The following DGLUCY variants were observed in gnomAD, a reference collection of about 807,000 sequenced individuals.
The protein encoded by DGLUCY is D-glutamate cyclase, also known as D-glutamate cyclase, mitochondrial.
Under a neutral mutation model 58.5 loss-of-function variants are expected in DGLUCY, and 58 were observed. That is an observed-to-expected ratio of 0.99 (90% CI 0.80 to 1.23). DGLUCY has a LOEUF of 1.23. DGLUCY is among the 50% of genes most tolerant of loss of function. The probability of loss-of-function intolerance (pLI) is 0.00; values close to 1 mark genes in which losing one functional copy is unlikely to be tolerated. For synonymous variants in DGLUCY, 325 were observed against 314.1 expected, an observed-to-expected ratio of 1.03 and a Z score of -0.37; for missense variants, 779 against 784.7, an observed-to-expected ratio of 0.99 and a Z score of 0.09.
At chr14:91,067,114 A>G (rs1310290423) in intron 1 of DGLUCY, among the ~76,000 whole-genome samples, 1 of 150,920 alleles carries the variant, frequency 6.6e-6, no homozygotes, top group African/African-American at 2.4e-5. Context: ...GAGTTATTTC[A>G]TGTTGAGTAG....
rs193222919 is a variant in DGLUCY, at chr14:91,155,788, C to A, written c.-81-1851C>A. 2.4e-3 allele frequency among the ~76,000 whole-genome samples: 357 copies of A among 149,600 alleles called. 1 individual carries two copies. The highest frequency in any genetic ancestry group is 8.1e-3 in the African/African-American group (330 of 40,790). ...CTCTAGCCTGGGCAAGAGAGCAAGACCCTGTTTCCAAAAAAAAAAAAAAAA... is the reference window on the plus strand; with the variant it reads ...CTCTAGCCTGGGCAAGAGAGCAAGAACCTGTTTCCAAAAAAAAAAAAAAAA... On this transcript the variant is annotated intron_variant, in intron 1 of 13. Transcript: ENST00000256324.
intron 1 of DGLUCY, among the ~76,000 whole-genome samples, chr14:91,146,661 A>G (rs1373596124): frequency 1.3e-5 from 2 of 152,194 alleles, no homozygotes; most frequent in Non-Finnish European, 2.9e-5. Flanking sequence ...TGATGCGGCT[A>G]GTAAGCCTCT....
intron 1 of DGLUCY, among the ~76,000 whole-genome samples, chr14:91,157,245 G>GGGTGGATA: frequency 8.5e-6 from 1 of 117,670 alleles, no homozygotes; most frequent in African/African-American, 3.4e-5. Context: ...ATGGATGGAT[G>GGGTGGATA]GATGGATGGA....
At chr14:91,203,443 T>C (rs1567005519) in intron 11 of DGLUCY, among the ~76,000 whole-genome samples, 1 of 152,246 alleles carries the variant, frequency 6.6e-6, no homozygotes, top group East Asian at 1.9e-4. Flanking sequence ...AAAACAATGA[T>C]GTACCTGTTC....
chr14:91,181,488 A>T, intron 8 of DGLUCY, 99 bp downstream of exon 8: 3 of 1,209,174 alleles, frequency 2.5e-6, no homozygotes, highest in South Asian at 1.4e-5. Flanking sequence ...TGGGATGCAA[A>T]ATGTATCCAC....
rs189249823 is a variant in DGLUCY, at chr14:91,154,044, T to G, written c.-81-3595T>G. ...CCTCAGCCTCCCAAGTAGCTGGAAT[T>G]ACGGGTGTGCACCACTATGCCCAGC... On this transcript the variant is annotated intron_variant, in intron 1 of 13. Transcript: ENST00000256324. 9.2e-4 allele frequency among the ~76,000 whole-genome samples: 140 copies of G among 152,256 alleles called. 1 individual carries two copies. Among genetic ancestry groups the G allele is most frequent in the Admixed American group, 2.5e-3 (38 of 15,284 alleles).
At chr14:91,171,024 G>A (rs977051138) in intron 5 of DGLUCY, among the ~76,000 whole-genome samples, 3 of 152,124 alleles carry the variant, frequency 2.0e-5, no homozygotes, top group African/African-American at 7.2e-5. Flanking sequence ...GTGCCCGAGC[G>A]GTTCTCTTGA....
intron 1 of DGLUCY, among the ~76,000 whole-genome samples, chr14:91,126,219 C>T (rs527588790): frequency 3.9e-5 from 6 of 152,130 alleles, no homozygotes; most frequent in Non-Finnish European, 5.9e-5. Context: ...AGGAGTTCTA[C>T]GTCAATGTAT....
chr14:91,122,010 AAG>A (rs1384552299), intron 1 of DGLUCY, among the ~76,000 whole-genome samples: 1 of 152,212 alleles, frequency 6.6e-6, no homozygotes, highest in African/African-American at 2.4e-5. Flanking sequence ...CAGAAGAGCT[AAG>A]AAGTGATAGC....
At chr14:91,219,303 G>A (rs1447459247) in intron 13 of DGLUCY, among the ~76,000 whole-genome samples, 5 of 152,236 alleles carry the variant, frequency 3.3e-5, no homozygotes, top group African/African-American at 1.2e-4. Flanking sequence ...CTGTCTTGAG[G>A]AGTGAGTAGG....
intron 7 of DGLUCY, 37 bp from the exon 8 acceptor site, chr14:91,181,149 A>G (rs779173996): frequency 4.4e-6 from 7 of 1,595,390 alleles, no homozygotes; most frequent in South Asian, 1.1e-5. Context: ...GACTTGATGA[A>G]GTGGCTGGGC....
At chr14:91,196,326 A>G (rs1220076892) in intron 9 of DGLUCY, 49 bp from the exon 10 acceptor site, 2 of 1,539,952 alleles carry the variant, frequency 1.3e-6, no homozygotes, top group South Asian at 2.3e-5. Context: ...TGAATTTCCA[A>G]AAGCCAACAC....
At chr14:91,174,046 C>T (rs2048726420) in intron 6 of DGLUCY, among the ~76,000 whole-genome samples, 1 of 151,982 alleles carries the variant, frequency 6.6e-6, no homozygotes, top group African/African-American at 2.4e-5. Context: ...CCCGCAACCT[C>T]CAGGGAGGAA....
intron 4 of DGLUCY, 54 bp downstream of exon 4, chr14:91,167,432 G>T (rs1292160571): frequency 6.2e-7 from 1 of 1,607,642 alleles, no homozygotes; most frequent in African/African-American, 1.3e-5. Flanking sequence ...AGGTGCTGTA[G>T]CCAGGTGTCT....
chr14:91,158,665 A>C (rs1464462321), intron 2 of DGLUCY, among the ~76,000 whole-genome samples: 1 of 152,086 alleles, frequency 6.6e-6, no homozygotes, highest in Non-Finnish European at 1.5e-5. Flanking sequence ...GCTCTCATTC[A>C]TTCTGCAGTC....
intron 1 of DGLUCY, among the ~76,000 whole-genome samples, chr14:91,088,952 G>A (rs139940736): frequency 2.6e-5 from 4 of 152,304 alleles, no homozygotes; most frequent in African/African-American, 7.2e-5. Context: ...AACTAAAGGG[G>A]AATAGACTTC....
chr14:91,087,610 T>A (rs1290630178), intron 1 of DGLUCY, among the ~76,000 whole-genome samples: 1 of 152,244 alleles, frequency 6.6e-6, no homozygotes, highest in Non-Finnish European at 1.5e-5. Context: ...TTCTCAACAT[T>A]GCACAAGTTA....
Position 91,204,698 on chromosome 14 carries a change from C to T in DGLUCY, c.1445-8C>T, listed in dbSNP as rs1038748942. 6.2e-7 allele frequency: 1 copy of T among 1,613,408 alleles called. No homozygotes were observed. The highest frequency in any genetic ancestry group is 8.5e-7 in the Non-Finnish European group (1 of 1,179,650). The stretch of plus-strand genomic sequence containing the variant: ...CCCGTGCACTGACTCAGCTCCCCTT[C>T]CCTTCAGGAGTCGGTGATGGAGGCA... On this transcript the variant is annotated splice_polypyrimidine_tract_variant and splice_region_variant and intron_variant, in intron 11 of 13. Transcript: ENST00000256324.
At chr14:91,096,329 G>A (rs1031466814) in intron 1 of DGLUCY, among the ~76,000 whole-genome samples, 4 of 151,796 alleles carry the variant, frequency 2.6e-5, no homozygotes, top group Non-Finnish European at 5.9e-5. Flanking sequence ...CAGGAGAATC[G>A]CTTGATTGCT....
Sources: gnomAD v4.1 joint callset for allele counts (sites outside exome capture counted in the v4.1 genomes callset) on GRCh38, gnomAD v4.1.1 for gene constraint, MANE v1.5 for transcripts, NCBI Gene and HGNC (gene_info 2026-07-23, HGNC 2026-07-21) for gene names.